The following ACVR1C variants were observed in gnomAD, a reference collection of about 807,000 sequenced individuals.
ACVR1C encodes the protein activin A receptor type 1C.
A neutral mutation model predicts 57.9 loss-of-function variants in ACVR1C; 23 were observed. The observed-to-expected ratio is 0.40, with a 90% CI of 0.29 to 0.56. The LOEUF is 0.56. Ranked by LOEUF, ACVR1C falls within the 20% of genes least tolerant of loss-of-function variation. ACVR1C has a pLI of 0.50. For synonymous variants in ACVR1C, 214 were observed against 215.3 expected (o/e 0.99, Z 0.05); for missense variants, 480 against 607.9 (o/e 0.79, Z 2.21).
chr2:157,583,666 A>G (rs917940965), intron 2 of ACVR1C, among the ~76,000 whole-genome samples: 1 of 152,232 alleles, frequency 6.6e-6, no homozygotes, highest in African/African-American at 2.4e-5. Flanking sequence ...AGTATAAGGC[A>G]TATAGAACAA....
intron 1 of ACVR1C, among the ~76,000 whole-genome samples, chr2:157,626,392 A>T (rs1455766666): frequency 6.6e-6 from 1 of 152,240 alleles, no homozygotes; most frequent in African/African-American, 2.4e-5. Flanking sequence ...CAATGTGGGG[A>T]ATGAGCAGCC....
chr2:157,598,192 A>G (rs572681554), intron 1 of ACVR1C, among the ~76,000 whole-genome samples: 3 of 151,726 alleles, frequency 2.0e-5, no homozygotes, highest in African/African-American at 7.2e-5. Flanking sequence ...TTGTCAAGGA[A>G]GAACATTGAA....
At chr2:157,559,447 A>G (rs1688185409) in intron 2 of ACVR1C, among the ~76,000 whole-genome samples, 3 of 152,250 alleles carry the variant, frequency 2.0e-5, no homozygotes, top group Admixed American at 2.0e-4. Context: ...CATCCAGCGA[A>G]TCAGGGTACA....
chr2:157,605,589 T>C lies in ACVR1C; in HGVS notation c.74-18172A>G, dbSNP rs141863563. On this transcript the variant is annotated intron_variant, in intron 1 of 8. Coordinates refer to ENST00000243349, the MANE Select transcript of ACVR1C (RefSeq NM_145259.3). Reference sequence around the variant, plus strand: ...TCCTGAGGATATCGAAATCCATGGATGTGCAAGTCTCCTATATAAAATGGC... The same window carrying C: ...TCCTGAGGATATCGAAATCCATGGACGTGCAAGTCTCCTATATAAAATGGC... Among the ~76,000 whole-genome samples the C allele has an allele frequency of 2.0e-5, 3 of 151,868 alleles. No homozygotes were observed. In the East Asian group the frequency reaches 5.8e-4, roughly 29 times the overall value.
chr2:157,545,360 T>G (rs995794345), intron 4 of ACVR1C, among the ~76,000 whole-genome samples: 2 of 152,342 alleles, frequency 1.3e-5, no homozygotes, highest in Admixed American at 1.3e-4. Context: ...GCTAAGGACC[T>G]ATCTGGCCAG....
At position 157,533,198 on chromosome 2, in the gene ACVR1C, G is replaced by T. The variant is rs959607101; in HGVS notation, c.*720C>A. 1 of 152,204 alleles carries T rather than the reference G, an allele frequency of 6.6e-6. No individual in the cohort carries two copies. The highest frequency in any genetic ancestry group is 1.9e-4 in the East Asian group (1 of 5,208). 9.4% of individuals were successfully genotyped at this position (152,204 alleles called of 1,614,324 possible). A position where few individuals can be genotyped will look rare whatever the true frequency, so the allele number is the denominator to read the frequency against. On this transcript the variant is annotated 3_prime_UTR_variant, in exon 9 of 9. Coordinates refer to ENST00000243349, the MANE Select transcript of ACVR1C (RefSeq NM_145259.3). ...CATTATCACAAGATTTGGACCTAGTGCCAGTTCTGCCATTAGCTGTGTGAC... is the reference window on the plus strand; with the variant it reads ...CATTATCACAAGATTTGGACCTAGTTCCAGTTCTGCCATTAGCTGTGTGAC...
At chr2:157,549,408 A>T (rs1687855245) in intron 4 of ACVR1C, among the ~76,000 whole-genome samples, 1 of 152,092 alleles carries the variant, frequency 6.6e-6, no homozygotes, top group Non-Finnish European at 1.5e-5. Context: ...TTTGCCCTAG[A>T]CACCCTGATG....
At chr2:157,544,015 T>C (rs1016176334) in intron 5 of ACVR1C, among the ~76,000 whole-genome samples, 4 of 151,080 alleles carry the variant, frequency 2.6e-5, no homozygotes, top group African/African-American at 9.7e-5. Flanking sequence ...GCTTTAAAAA[T>C]TACCTTTATT....
At chr2:157,624,312 T>G (rs1191195328) in intron 1 of ACVR1C, among the ~76,000 whole-genome samples, 2 of 152,196 alleles carry the variant, frequency 1.3e-5, no homozygotes, top group Non-Finnish European at 2.9e-5. Context: ...TCCTTATTCC[T>G]GCCTCTATCC....
At chr2:157,558,589 C>T (rs1481694748) in intron 2 of ACVR1C, among the ~76,000 whole-genome samples, 2 of 152,162 alleles carry the variant, frequency 1.3e-5, no homozygotes, top group Admixed American at 6.6e-5. Flanking sequence ...ATAATCTGTG[C>T]TGTTCTGCTA....
intron 2 of ACVR1C, among the ~76,000 whole-genome samples, chr2:157,585,624 A>C (rs1321591869): frequency 6.6e-6 from 1 of 152,018 alleles, no homozygotes; most frequent in African/African-American, 2.4e-5. Flanking sequence ...TAAAGAGGAG[A>C]CTCTCCTTTT....
intron 3 of ACVR1C, among the ~76,000 whole-genome samples, chr2:157,555,010 A>T (rs1558975680): frequency 1.3e-5 from 2 of 151,900 alleles, no homozygotes; most frequent in East Asian, 3.8e-4. Context: ...ATAAAAAAAT[A>T]AAAAATAAAA....
chr2:157,620,332 A>C (rs1682743671), intron 1 of ACVR1C, among the ~76,000 whole-genome samples: 1 of 152,082 alleles, frequency 6.6e-6, no homozygotes. Context: ...CACCATGACT[A>C]TCAGAGCAAG....
At chr2:157,543,412 G>C (rs1687667728) in intron 5 of ACVR1C, among the ~76,000 whole-genome samples, 2 of 152,100 alleles carry the variant, frequency 1.3e-5, no homozygotes, top group Non-Finnish European at 2.9e-5. Flanking sequence ...AAAGGGATTT[G>C]CAACAATGTA....
chr2:157,560,305 G>C (rs1688204510), intron 2 of ACVR1C, among the ~76,000 whole-genome samples: 1 of 152,198 alleles, frequency 6.6e-6, no homozygotes, highest in African/African-American at 2.4e-5. Flanking sequence ...TGATGTTTAT[G>C]AGATTTACAT....
intron 2 of ACVR1C, among the ~76,000 whole-genome samples, chr2:157,577,032 T>C (rs1237119438): frequency 1.1e-5 from 1 of 94,586 alleles, no homozygotes; most frequent in African/African-American, 4.7e-5. Context: ...TTTTTTGTAT[T>C]TTTTAGTAGA....
At chr2:157,627,486 T>TCACTAAATACATGC (rs1682922105) in intron 1 of ACVR1C, among the ~76,000 whole-genome samples, 1 of 152,204 alleles carries the variant, frequency 6.6e-6, no homozygotes, top group Non-Finnish European at 1.5e-5. Flanking sequence ...AGTGATTCTC[T>TCACTAAATACATGC]CAGGCCATCT....
chr2:157,553,992 G>A (rs1687986662), intron 3 of ACVR1C, among the ~76,000 whole-genome samples: 1 of 151,554 alleles, frequency 6.6e-6, no homozygotes, highest in African/African-American at 2.4e-5. Context: ...AGACCAGCCT[G>A]GCCAACATGG....
chr2:157,592,716 G>A (rs1689074713), intron 1 of ACVR1C, among the ~76,000 whole-genome samples: 1 of 151,914 alleles, frequency 6.6e-6, no homozygotes, highest in African/African-American at 2.4e-5. Flanking sequence ...CCTCAACATA[G>A]AACCTTTGTG....
Sources: allele counts gnomAD v4.1 joint callset (sites outside exome capture counted in the v4.1 genomes callset), GRCh38; gene constraint gnomAD v4.1.1; transcripts MANE v1.5; gene names NCBI Gene and HGNC (gene_info 2026-07-23, HGNC 2026-07-21).